The following CMIP variants were observed in gnomAD, a reference collection of about 807,000 sequenced individuals.
The protein encoded by CMIP is c-Maf inducing protein.
In CMIP, 13 loss-of-function variants were observed where a neutral mutation model predicts 97.3. The ratio of observed to expected loss-of-function variants is 0.13; its 90% CI spans 0.09 to 0.21. The LOEUF is 0.21. Ranked by LOEUF, CMIP falls within the 10% of genes least tolerant of loss-of-function variation. The pLI is 1.00. For synonymous variants in CMIP, 538 were observed against 436.3 expected (o/e 1.23, Z -2.91); for missense variants, 847 against 1,024.9 (o/e 0.83, Z 2.37).
intron 1 of CMIP, among the ~76,000 whole-genome samples, chr16:81,530,908 G>C (rs1339434034): frequency 6.6e-6 from 1 of 152,142 alleles, no homozygotes; most frequent in African/African-American, 2.4e-5. Flanking sequence ...CGAGCCCTGA[G>C]TACTCAGCCC....
At chr16:81,656,167 C>G (rs56410439) in intron 4 of CMIP, among the ~76,000 whole-genome samples, 8 of 152,306 alleles carry the variant, frequency 5.3e-5, no homozygotes, top group Middle Eastern at 3.4e-3. Context: ...CCGGTAGAGA[C>G]TCATGTTGTT....
At position 81,704,097 on chromosome 16, in the gene CMIP, C is replaced by G; in HGVS notation, c.2091+12C>G. 2 of 1,598,560 alleles carry G rather than the reference C, an allele frequency of 1.3e-6. No individual in the cohort carries two copies. The highest frequency in any genetic ancestry group is 1.7e-6 in the Non-Finnish European group (2 of 1,174,458). On this transcript the variant is annotated intron_variant, in intron 18 of 20. Coordinates refer to ENST00000537098, the MANE Select transcript of CMIP (RefSeq NM_198390.3). ...TGTGGTCCACTCAGGTACGTCCTCC[C>G]GCCCTGCTGCAGTCCCCCACACCCT...
chr16:81,582,888 A>C (rs575729018), intron 1 of CMIP, among the ~76,000 whole-genome samples: 1 of 152,178 alleles, frequency 6.6e-6, no homozygotes. Context: ...AGTGCACGGC[A>C]GTTGGGGGAC....
At chr16:81,661,721 G>A (rs1055665538) in intron 6 of CMIP, among the ~76,000 whole-genome samples, 8 of 152,192 alleles carry the variant, frequency 5.3e-5, no homozygotes, top group Admixed American at 3.3e-4. Context: ...GCTGTGGTGC[G>A]CTTGATTTCC....
chr16:81,640,454 G>A (rs530527800), intron 3 of CMIP, among the ~76,000 whole-genome samples: 5 of 152,304 alleles, frequency 3.3e-5, no homozygotes, highest in African/African-American at 1.2e-4. Flanking sequence ...CTGGGACCAG[G>A]CGTCCTGGGG....
intron 17 of CMIP, among the ~76,000 whole-genome samples, chr16:81,702,881 A>T (rs1033713628): frequency 6.6e-6 from 1 of 152,176 alleles, no homozygotes; most frequent in Non-Finnish European, 1.5e-5. Flanking sequence ...AATATGATAC[A>T]GATTGTTGGT....
chr16:81,486,641 GC>G (rs1022090484), intron 1 of CMIP, among the ~76,000 whole-genome samples: 52 of 152,166 alleles, frequency 3.4e-4, no homozygotes, highest in Non-Finnish European at 7.2e-4. Flanking sequence ...GAGTGGGCCG[GC>G]CCATTGCCCG....
chr16:81,701,263 TC>T (rs1352835047), intron 15 of CMIP, among the ~76,000 whole-genome samples: 2 of 152,162 alleles, frequency 1.3e-5, no homozygotes, highest in Non-Finnish European at 2.9e-5. Flanking sequence ...TCTGAGCCAT[TC>T]CGTGAGTTTG....
chr16:81,696,927 C>G, intron 14 of CMIP: 1 of 539,530 alleles, frequency 1.9e-6, no homozygotes, highest in Non-Finnish European at 3.3e-6. Flanking sequence ...GAGAAGACGA[C>G]ACATGTCATT....
At chr16:81,547,446 G>T (rs372670599) in intron 1 of CMIP, among the ~76,000 whole-genome samples, 74 of 152,278 alleles carry the variant, frequency 4.9e-4, no homozygotes, top group South Asian at 4.1e-4. Context: ...TCTTGCTGTG[G>T]GCACGCTGAG....
chr16:81,692,146 G>A (rs936807174), intron 11 of CMIP, among the ~76,000 whole-genome samples: 3 of 152,168 alleles, frequency 2.0e-5, no homozygotes, highest in Non-Finnish European at 4.4e-5. Flanking sequence ...CTGGCAGGCC[G>A]TGCAGTTATC....
chr16:81,623,928 T>C (rs1325758919), intron 3 of CMIP, among the ~76,000 whole-genome samples: 3 of 152,146 alleles, frequency 2.0e-5, no homozygotes, highest in Admixed American at 6.6e-5. Flanking sequence ...TCAATCCAGA[T>C]CTGTGGGGCT....
intron 1 of CMIP, among the ~76,000 whole-genome samples, chr16:81,537,747 G>T (rs2090372921): frequency 6.6e-6 from 1 of 152,180 alleles, no homozygotes; most frequent in South Asian, 2.1e-4. Context: ...TGGGAGTTTG[G>T]TGAAAGTTCA....
intron 1 of CMIP, among the ~76,000 whole-genome samples, chr16:81,580,380 A>T (rs1028813848): frequency 1.3e-5 from 2 of 152,062 alleles, no homozygotes; most frequent in Admixed American, 1.3e-4. Context: ...ACCTCATATG[A>T]AATTGCCCAC....
At position 81,604,264 on chromosome 16, in the gene CMIP, C is replaced by T. The variant is rs529929933; in HGVS notation, c.301-3303C>T. On this transcript the variant is annotated intron_variant, in intron 1 of 20. Coordinates refer to ENST00000537098, the MANE Select transcript of CMIP (RefSeq NM_198390.3). ...CTGAAAAATTAGCTGGGCGTGGTGGCGCACGCCTGTAATCCCAGCTACTCA... is the reference window on the plus strand; with the variant it reads ...CTGAAAAATTAGCTGGGCGTGGTGGTGCACGCCTGTAATCCCAGCTACTCA... Among the ~76,000 whole-genome samples, 12 of 151,330 alleles carry T rather than the reference C, an allele frequency of 7.9e-5. No homozygotes were observed. In the South Asian group the frequency reaches 1.5e-3, roughly 18 times the overall value.
In CMIP at chr16:81,616,543, C is replaced by T. The variant is rs1021740443; in HGVS notation, c.427-4333C>T. ...GTGACATGCGTCATCGCACTTAGTT[C>T]GCCAGCCTGTGTCATACCTGTTTAG... is the stretch of plus-strand genomic sequence containing the variant. On this transcript the variant is annotated intron_variant, in intron 2 of 20. Transcript: ENST00000537098. This position sits in a 1 kb window ranked among gnomAD's most constrained non-coding sequence, Gnocchi z 4.7. 3.3e-5 allele frequency among the ~76,000 whole-genome samples: 5 copies of T among 152,210 alleles called. No individual in the cohort carries two copies. Among genetic ancestry groups the T allele is most frequent in the Non-Finnish European group, 5.9e-5 (4 of 68,040 alleles).
intron 7 of CMIP, among the ~76,000 whole-genome samples, chr16:81,669,477 C>T (rs2092656921): frequency 6.9e-6 from 1 of 144,406 alleles, no homozygotes; most frequent in South Asian, 2.3e-4. Flanking sequence ...CCTTCCACAC[C>T]CACCTCTCTC....
chr16:81,483,773 A>G (rs551698017), intron 1 of CMIP, among the ~76,000 whole-genome samples: 4 of 152,200 alleles, frequency 2.6e-5, no homozygotes, highest in African/African-American at 7.2e-5. Flanking sequence ...GGCTTTTGCT[A>G]TTTATATAGC....
Position 81,484,360 on chromosome 16 carries a change from C to T in CMIP, c.300+38819C>T, listed in dbSNP as rs1567538477. Among the ~76,000 whole-genome samples, 5 of 152,340 alleles carry T rather than the reference C, an allele frequency of 3.3e-5. 1 individual carries two copies. Among genetic ancestry groups the T allele is most frequent in the African/African-American group, 9.6e-5 (4 of 41,588 alleles). ...GGAGGCCTGGTGCAGCTCAGAAAGC[C>T]CTGGCTCTGGCCGAGGTTTGGGATG... On this transcript the variant is annotated intron_variant, in intron 1 of 20. Coordinates refer to ENST00000537098, the MANE Select transcript of CMIP (RefSeq NM_198390.3).
Sources: allele counts gnomAD v4.1 joint callset (sites outside exome capture counted in the v4.1 genomes callset), GRCh38; gene constraint gnomAD v4.1.1; non-coding constraint Gnocchi (gnomAD v3.1); transcripts MANE v1.5; gene names NCBI Gene and HGNC (gene_info 2026-07-23, HGNC 2026-07-21).